MDN1: variants seen among roughly 807,000 people sequenced by gnomAD.
MDN1 encodes midasin.
A neutral mutation model predicts 669.2 loss-of-function variants in MDN1; 266 were observed. That is an observed-to-expected ratio of 0.40 (90% confidence interval 0.36 to 0.44). The LOEUF (loss-of-function observed/expected upper bound fraction) is 0.44. MDN1 is among the 20% of genes least tolerant of loss of function. The pLI is 1.00. For synonymous variants in MDN1, 2,385 were observed against 2,457.1 expected (o/e 0.97, Z 0.87); for missense variants, 5,940 against 6,754.0 (o/e 0.88, Z 4.22).
intron 29 of MDN1, 78 bp from the exon 30 acceptor site, chr6:89,743,792 G>T: frequency 6.7e-7 from 1 of 1,493,448 alleles, no homozygotes; most frequent in Non-Finnish European, 9.2e-7. Flanking sequence ...CAGCAAAAGA[G>T]AAGAACCACT....
At chr6:89,685,488 GGATGAAAGAAACTAATA>G (rs1811945871) in intron 70 of MDN1, among the ~76,000 whole-genome samples, 1 of 152,024 alleles carries the variant, frequency 6.6e-6, no homozygotes, top group Admixed American at 6.6e-5. Context: ...TGCTCTCACT[GGATGAAAGAAACTAATA>G]ATGGCCTGGA....
intron 1 of MDN1, among the ~76,000 whole-genome samples, chr6:89,806,704 AGAGT>A (rs557507120): frequency 2.2e-4 from 34 of 152,006 alleles, no homozygotes; most frequent in African/African-American, 7.2e-4. Flanking sequence ...GGCAACAGAT[AGAGT>A]GAGACTCCAC....
Position 89,656,793 on chromosome 6 carries a change from TC to T in MDN1, c.15191del (p.Gly5064GlufsTer58), listed in dbSNP as rs1410640798. The T allele has an allele frequency of 6.2e-7, 1 of 1,612,284 alleles. No individual in the cohort carries two copies. ...CCTGGTTTGCATCTGCAGCTCCACT[TC>T]CGTGTTCCTAGGAAATCCAAGCCAC... is the stretch of plus-strand genomic sequence containing the variant. ...PEKEQGKEEH[G>X]SGAADANQAE... On this transcript the variant is annotated frameshift_variant, in exon 91 of 102. Coordinates refer to ENST00000369393, the MANE Select transcript of MDN1 (RefSeq NM_014611.3). LOFTEE classifies it high-confidence loss of function.
intron 45 of MDN1, 84 bp from the exon 46 acceptor site, chr6:89,714,835 C>G: frequency 9.0e-7 from 1 of 1,109,172 alleles, no homozygotes; most frequent in South Asian, 1.5e-5. Context: ...TCAGTGAGGG[C>G]AAATCCTATG....
chr6:89,749,415 T>A, intron 25 of MDN1, 46 bp from the exon 26 acceptor site: 1 of 1,603,696 alleles, frequency 6.2e-7, no homozygotes, highest in Non-Finnish European at 8.5e-7. Flanking sequence ...CCTTTTAATT[T>A]CCAATATGGA....
Position 89,780,233 on chromosome 6 carries a change from T to C in MDN1, c.1704A>G (p.Ala568=), listed in dbSNP as rs770589077. The change falls in exon 11 of 102, where the codon GCA becomes GCG. Residue 568 remains alanine, a synonymous_variant. Coordinates refer to ENST00000369393, the MANE Select transcript of MDN1 (RefSeq NM_014611.3). The stretch of plus-strand genomic sequence containing the variant: ...TTACCTCTTGAAAAATATTTAATGA[T>C]GCTGATAAAGATGAACTGTCAAAGC... ...AHSFDSSSLS[A]SLNIFQEALD... 1.3e-6 allele frequency: 2 copies of C among 1,576,988 alleles called. No homozygotes were observed. The highest frequency in any genetic ancestry group is 1.7e-6 in the Non-Finnish European group (2 of 1,162,712).
At chr6:89,655,717 C>T (rs1809220017) in intron 92 of MDN1, 47 bp downstream of exon 92, 16 of 1,525,142 alleles carry the variant, frequency 1.0e-5, no homozygotes, top group Non-Finnish European at 1.4e-5. Context: ...CACAAGCTCT[C>T]ATAGAGAGCT....
intron 1 of MDN1, among the ~76,000 whole-genome samples, chr6:89,810,132 A>G (rs886963868): frequency 1.3e-5 from 2 of 151,838 alleles, no homozygotes; most frequent in Non-Finnish European, 2.9e-5. Flanking sequence ...AAAATACCAC[A>G]AACTGACTTA....
intron 74 of MDN1, 27 bp from the exon 75 acceptor site, chr6:89,678,772 G>A (rs1055676003): frequency 2.5e-6 from 4 of 1,595,062 alleles, no homozygotes; most frequent in South Asian, 1.1e-5. Flanking sequence ...GGCGGGGAGG[G>A]GAGACAATAA....
chr6:89,716,935 A>G, intron 43 of MDN1, 126 bp from the exon 44 acceptor site: 1 of 1,093,680 alleles, frequency 9.1e-7, no homozygotes. Context: ...AATAAATAGA[A>G]GAATGTTTTG....
In MDN1 at chr6:89,675,280, C is replaced by T. The variant is rs1178436937; in HGVS notation, c.12761+184G>A. On this transcript the variant is annotated intron_variant, in intron 78 of 101. Transcript: ENST00000369393. ...TTCAGAGCACGGAGGGAGAGGGACA[C>T]TAGAGGCATATCACTGAAAGCAAGG... 6.9e-6 allele frequency: 4 copies of T among 582,998 alleles called. No individual in the cohort carries two copies. In the African/African-American group the frequency reaches 7.5e-5, roughly 11 times the overall value. The allele number at this position is 582,998 out of a possible 1,614,324, so 36.1% of individuals were successfully genotyped here. A position where few individuals can be genotyped will look rare whatever the true frequency, so the allele number is the denominator to read the frequency against.
At chr6:89,795,879 C>T (rs1265225944) in intron 2 of MDN1, among the ~76,000 whole-genome samples, 3 of 152,000 alleles carry the variant, frequency 2.0e-5, no homozygotes, top group Non-Finnish European at 4.4e-5. Context: ...CGCTTGAACC[C>T]GGGAAGCGGA....
chr6:89,675,339 G>A (rs927085048), intron 78 of MDN1, 125 bp downstream of exon 78: 3 of 761,804 alleles, frequency 3.9e-6, no homozygotes, highest in African/African-American at 1.8e-5. Context: ...CTGCCTCTTT[G>A]GGCCTTAAAT....
intron 40 of MDN1, among the ~76,000 whole-genome samples, chr6:89,719,629 T>C (rs1190443783): frequency 6.6e-6 from 1 of 152,178 alleles, no homozygotes; most frequent in Non-Finnish European, 1.5e-5. Context: ...ATTAACCACC[T>C]CCTATGTACC....
At chr6:89,741,118 G>T (rs980124856) in intron 31 of MDN1, among the ~76,000 whole-genome samples, 3 of 152,146 alleles carry the variant, frequency 2.0e-5, no homozygotes, top group Non-Finnish European at 4.4e-5. Context: ...TGTAATCCCA[G>T]CTACTCGGGA....
At chr6:89,661,335 AC>A in intron 88 of MDN1, 95 bp downstream of exon 88, 1 of 1,382,430 alleles carries the variant, frequency 7.2e-7, no homozygotes, top group East Asian at 2.4e-5. Flanking sequence ...GTGATTTATC[AC>A]CTGGCCATGA....
chr6:89,746,600 AAAAAAAAAAAAAAAGAAAG>A (rs1816630998), intron 27 of MDN1, among the ~76,000 whole-genome samples: 1 of 48,002 alleles, frequency 2.1e-5, no homozygotes. Flanking sequence ...TCTCAAAAAA[AAAAAAAAAAAAAAAGAAAG>A]AAAGAAAGAA....
Position 89,730,908 on chromosome 6 carries a change from C to T in MDN1, c.4958G>A (p.Gly1653Glu), listed in dbSNP as rs1184192802. 1.9e-6 allele frequency: 3 copies of T among 1,613,686 alleles called. No individual in the cohort carries two copies. In the African/African-American group the frequency reaches 4.0e-5, roughly 22 times the overall value. Reference sequence around the variant, plus strand: ...TCGTGCCAAAAGGGCTGTACCAAACCCAGAGGAAGTTACCCCTAAAAGACA... The same window carrying T: ...TCGTGCCAAAAGGGCTGTACCAAACTCAGAGGAAGTTACCCCTAAAAGACA... ...DGIGSGVTSS[G>E]FGTALLARKE... Residue 1653 changes from glycine to glutamate, a missense_variant, in exon 35 of 102, where the codon GGG (glycine) becomes GAG (glutamate). Gly to Glu is a moderately conservative substitution (Grantham distance 98). Around this residue, in one of 5 missense-constraint regions of MDN1, gnomAD observed 2,292 missense variants for 2,638.3 expected, o/e 0.87. Transcript: ENST00000369393.
At chr6:89,779,398 C>G (rs1196630364) in intron 11 of MDN1, among the ~76,000 whole-genome samples, 1 of 152,144 alleles carries the variant, frequency 6.6e-6, no homozygotes, top group Non-Finnish European at 1.5e-5. Context: ...ATGCTCCCAT[C>G]ATAGATAATA....
Sources: gnomAD v4.1 joint callset for allele counts (sites outside exome capture counted in the v4.1 genomes callset) on GRCh38, gnomAD v4.1.1 for gene constraint, gnomAD v4.1.1 regional missense constraint, MANE v1.5 for transcripts, NCBI Gene and HGNC (gene_info 2026-07-23, HGNC 2026-07-21) for gene names.